TMEM102: variants seen among roughly 807,000 people sequenced by gnomAD.
The protein encoded by TMEM102 is DANGER family member 2B.
In TMEM102, 28 loss-of-function variants were observed where a neutral mutation model predicts 26.8. The ratio of observed to expected loss-of-function variants is 1.05; its 90% CI spans 0.77 to 1.43. The LOEUF is 1.43. Among genes scored for constraint, TMEM102 ranks in the 40% most tolerant of loss-of-function variants. TMEM102 has a pLI of 0.00. For missense variants in TMEM102, 677 were observed against 705.6 expected (o/e 0.96, Z 0.46); for synonymous variants, 306 against 332.1 (o/e 0.92, Z 0.86).
In TMEM102 at chr17:7,437,413, G is replaced by A; in HGVS notation, c.1434G>A (p.Gly478=). The change falls in exon 3 of 3, where the codon GGG becomes GGA. Residue 478 remains glycine (G), a synonymous_variant. Transcript: ENST00000323206. The surrounding 1 kb of genome is among the most constrained non-coding windows in gnomAD (Gnocchi z 4.2). The part of the protein sequence containing the change: ...ALLGELARLR[G]DPARALRAAV... ...TCGGAGAATTGGCCCGGCTCCGCGGGGACCCGGCCCGGGCCCTCCGTGCCG... is the reference window on the plus strand; with the variant it reads ...TCGGAGAATTGGCCCGGCTCCGCGGAGACCCGGCCCGGGCCCTCCGTGCCG... The A allele has an allele frequency of 6.6e-7, 1 of 1,514,004 alleles. No individual in the cohort carries two copies. Among genetic ancestry groups the A allele is most frequent in the East Asian group, 2.7e-5 (1 of 36,900 alleles). The allele number at this position is 1,514,004 out of a possible 1,614,324, so 93.8% of individuals were successfully genotyped here.
Position 7,437,285 on chromosome 17 carries a change from G to A in TMEM102, c.1306G>A (p.Gly436Arg). Reference sequence around the variant, plus strand: ...AGAAAATGCGGGCGCCTGCTGCCTCGGGCTGCTAGACGAGCTCGGCCGAGT... The same window carrying A: ...AGAAAATGCGGGCGCCTGCTGCCTCAGGCTGCTAGACGAGCTCGGCCGAGT... ...RPENAGACCL[G>R]LLDELGRVLE... The change falls in exon 3 of 3, where the codon GGG (glycine) becomes AGG (arginine). Residue 436 changes from glycine to arginine, a missense_variant. Physicochemically the swap from Gly to Arg is moderately radical, Grantham distance 125. Coordinates refer to ENST00000323206, the MANE Select transcript of TMEM102 (RefSeq NM_178518.3). This position sits in a 1 kb window ranked among gnomAD's most constrained non-coding sequence, Gnocchi z 4.2. 9 of 1,545,570 alleles carry A rather than the reference G, an allele frequency of 5.8e-6. No individual in the cohort carries two copies. The highest frequency in any genetic ancestry group is 7.8e-6 in the Non-Finnish European group (9 of 1,151,902).
At chr17:7,435,760 T>C (rs1333181297) in intron 1 of TMEM102, 64 bp downstream of exon 1, 1 of 915,392 alleles carries the variant, frequency 1.1e-6, no homozygotes, top group Non-Finnish European at 1.7e-6. Context: ...CATTTGTAGG[T>C]TGTGTCTGGG....
Position 7,436,581 on chromosome 17 carries a change from A to C in TMEM102, c.602A>C (p.Glu201Ala). 2 of 1,614,002 alleles carry C rather than the reference A, an allele frequency of 1.2e-6. No homozygotes were observed. The highest frequency in any genetic ancestry group is 1.7e-6 in the Non-Finnish European group (2 of 1,179,974). Reference protein sequence around the residue: ...DQPHSYVTEHEAPVSLEKSPS... With the variant: ...DQPHSYVTEHAAPVSLEKSPS... ...CCGCACAGCTACGTCACTGAGCACGAGGCGCCGGTGTCTTTGGAAAAATCG... is the reference window on the plus strand; with the variant it reads ...CCGCACAGCTACGTCACTGAGCACGCGGCGCCGGTGTCTTTGGAAAAATCG... The change falls in exon 3 of 3, where the codon GAG becomes GCG. Residue 201 changes from glutamate (E) to alanine (A), a missense_variant. Glu to Ala is a moderately radical substitution (Grantham distance 107). Transcript: ENST00000323206.
In TMEM102 at chr17:7,436,557, C is replaced by T; in HGVS notation, c.578C>T (p.Pro193Leu). Reference sequence around the variant, plus strand: ...GACTGGCAAAGCTCTGTAGACCAGCCGCACAGCTACGTCACTGAGCACGAG... The same window carrying T: ...GACTGGCAAAGCTCTGTAGACCAGCTGCACAGCTACGTCACTGAGCACGAG... ...SKDWQSSVDQ[P>L]HSYVTEHEAP... Residue 193 changes from proline to leucine, a missense_variant, in exon 3 of 3, where the codon CCG (proline) becomes CTG (leucine). By Grantham distance (98) the Pro-to-Leu change is moderately conservative. Transcript: ENST00000323206. The T allele has an allele frequency of 6.2e-7, 1 of 1,614,030 alleles. No individual in the cohort carries two copies. Among genetic ancestry groups the T allele is most frequent in the Non-Finnish European group, 8.5e-7 (1 of 1,180,004 alleles).
At position 7,437,612 on chromosome 17, in the gene TMEM102, C is replaced by G. The variant is rs1567672694; in HGVS notation, c.*106C>G. 1 of 843,396 alleles carries G rather than the reference C, an allele frequency of 1.2e-6. No individual in the cohort carries two copies. The highest frequency in any genetic ancestry group is 3.3e-5 in the East Asian group (1 of 29,870). The allele number at this position is 843,396 out of a possible 1,614,324, so 52.2% of individuals were successfully genotyped here. A position where few individuals can be genotyped will look rare whatever the true frequency, so the allele number is the denominator to read the frequency against. On this transcript the variant is annotated 3_prime_UTR_variant, in exon 3 of 3. Transcript: ENST00000323206. This position sits in a 1 kb window ranked among gnomAD's most constrained non-coding sequence, Gnocchi z 4.2. ...CTGACTGTGTGCCCTGGGCCTGAAG[C>G]CCCCCTTCTGGAAGACCTCCCTGTT...
rs768664173 is a variant in TMEM102, at chr17:7,437,366, G to A, written c.1387G>A (p.Gly463Arg). The change falls in exon 3 of 3, where the codon GGG (glycine) becomes AGG (arginine). Residue 463 changes from glycine to arginine, a missense_variant. Gly to Arg is a moderately radical substitution (Grantham distance 125, BLOSUM62 -2). Coordinates refer to ENST00000323206, the MANE Select transcript of TMEM102 (RefSeq NM_178518.3). The surrounding 1 kb of genome is among the most constrained non-coding windows in gnomAD (Gnocchi z 4.2). ...TCTGAACGGCCGACAGCTCCGTACGGGGGACGACTCCGCTGCGCTGCTCGG... is the reference window on the plus strand; with the variant it reads ...TCTGAACGGCCGACAGCTCCGTACGAGGGACGACTCCGCTGCGCTGCTCGG... ...YFLNGRQLRT[G>R]DDSAALLGEL... The A allele has an allele frequency of 5.7e-6, 9 of 1,567,528 alleles. No individual in the cohort carries two copies. The highest frequency in any genetic ancestry group is 3.7e-5 in the Admixed American group (2 of 54,742).
chr17:7,437,241 C>G lies in TMEM102; in HGVS notation c.1262C>G (p.Ala421Gly). The G allele has an allele frequency of 6.6e-7, 1 of 1,521,630 alleles. No homozygotes were observed. Among genetic ancestry groups the G allele is most frequent in the Non-Finnish European group, 8.8e-7 (1 of 1,137,902 alleles). 94.3% of individuals were successfully genotyped at this position (1,521,630 alleles called of 1,614,324 possible). ...TACTGGGCGTGCGAGCGGCTGCCTGCGCTCTACCTGGCGCGGCCAGAAAAT... is the reference window on the plus strand; with the variant it reads ...TACTGGGCGTGCGAGCGGCTGCCTGGGCTCTACCTGGCGCGGCCAGAAAAT... ...LLYWACERLP[A>G]LYLARPENAG... Residue 421 changes from alanine to glycine, a missense_variant, in exon 3 of 3, where the codon GCG becomes GGG. Transcript: ENST00000323206. The surrounding 1 kb of genome is among the most constrained non-coding windows in gnomAD (Gnocchi z 4.2).
In TMEM102 at chr17:7,437,168, G is replaced by C; in HGVS notation, c.1189G>C (p.Val397Leu). 6.7e-7 allele frequency: 1 copy of C among 1,483,354 alleles called. No individual in the cohort carries two copies. Among genetic ancestry groups the C allele is most frequent in the South Asian group, 1.3e-5 (1 of 76,834 alleles). 91.9% of individuals were successfully genotyped at this position (1,483,354 alleles called of 1,614,324 possible). The part of the protein sequence containing the change: ...AAAQALLRPL[V>L]AGTRAAAPYL... ...GGCCCAGGCGCTACTGCGCCCGCTG[G>C]TGGCCGGGACCCGGGCGGCGGCGCC... The change falls in exon 3 of 3, where the codon GTG becomes CTG. Residue 397 changes from valine (V) to leucine (L), a missense_variant. Coordinates refer to ENST00000323206, the MANE Select transcript of TMEM102 (RefSeq NM_178518.3). The surrounding 1 kb of genome is among the most constrained non-coding windows in gnomAD (Gnocchi z 4.2).
rs758171248 is a variant in TMEM102, at chr17:7,437,418, C to G, written c.1439C>G (p.Pro480Arg). ...GAATTGGCCCGGCTCCGCGGGGACC[C>G]GGCCCGGGCCCTCCGTGCCGCGGTG... Reference protein sequence around the residue: ...LGELARLRGDPARALRAAVEE... With the variant: ...LGELARLRGDRARALRAAVEE... Residue 480 changes from proline to arginine, a missense_variant, in exon 3 of 3, where the codon CCG becomes CGG. Transcript: ENST00000323206. This position sits in a 1 kb window ranked among gnomAD's most constrained non-coding sequence, Gnocchi z 4.2. The G allele has an allele frequency of 4.0e-6, 6 of 1,497,982 alleles. No individual in the cohort carries two copies. The highest frequency in any genetic ancestry group is 5.3e-6 in the Non-Finnish European group (6 of 1,122,136). 92.8% of individuals were successfully genotyped at this position (1,497,982 alleles called of 1,614,324 possible).
chr17:7,436,955 G>A lies in TMEM102; in HGVS notation c.976G>A (p.Gly326Ser), dbSNP rs1297917226. 6.2e-7 allele frequency: 1 copy of A among 1,603,260 alleles called. No individual in the cohort carries two copies. The highest frequency in any genetic ancestry group is 1.1e-5 in the South Asian group (1 of 90,952). The change falls in exon 3 of 3, where the codon GGC (glycine) becomes AGC (serine). Residue 326 changes from glycine (G) to serine (S), a missense_variant. Coordinates refer to ENST00000323206, the MANE Select transcript of TMEM102 (RefSeq NM_178518.3). ...CCTGATCCCAGTGGTGTCCGTGGCG[G>A]GCTGGCCCGAGGGGGCTCGGAGCCA... ...FDLIPVVSVA[G>S]WPEGARSHSW...
Position 7,437,044 on chromosome 17 carries a change from C to T in TMEM102, c.1065C>T (p.Thr355=), listed in dbSNP as rs1007499275. The stretch of plus-strand genomic sequence containing the variant: ...TCTACCTGGTGCCCGGTGGCGGCAC[C>T]GAGCGGCCGTGCGCCTCCGCCTGGC... The part of the protein sequence containing the change: ...ASFYLVPGGG[T]ERPCASAWQL... Residue 355 remains threonine, a synonymous_variant, in exon 3 of 3, where the codon ACC becomes ACT. Coordinates refer to ENST00000323206, the MANE Select transcript of TMEM102 (RefSeq NM_178518.3). The surrounding 1 kb of genome is among the most constrained non-coding windows in gnomAD (Gnocchi z 4.2). 2 of 1,576,492 alleles carry T rather than the reference C, an allele frequency of 1.3e-6. No individual in the cohort carries two copies. Among genetic ancestry groups the T allele is most frequent in the African/African-American group, 1.3e-5 (1 of 74,544 alleles).
Position 7,437,554 on chromosome 17 carries a change from G to T in TMEM102, c.*48G>T, listed in dbSNP as rs1908108360. The T allele has an allele frequency of 7.2e-6, 9 of 1,252,782 alleles. No homozygotes were observed. The highest frequency in any genetic ancestry group is 2.4e-4 in the Middle Eastern group (1 of 4,174). 77.6% of individuals were successfully genotyped at this position (1,252,782 alleles called of 1,614,324 possible). A position where few individuals can be genotyped will look rare whatever the true frequency, so the allele number is the denominator to read the frequency against. On this transcript the variant is annotated 3_prime_UTR_variant, in exon 3 of 3. Transcript: ENST00000323206. This position sits in a 1 kb window ranked among gnomAD's most constrained non-coding sequence, Gnocchi z 4.2. ...AAGTGCCTCTGTGGGCGAGCGGGAC[G>T]TGGGGGGCCCTGCTCGCCCCTCGCC...
Position 7,437,063 on chromosome 17 carries a change from G to T in TMEM102, c.1084G>T (p.Ala362Ser), listed in dbSNP as rs775603841. The change falls in exon 3 of 3, where the codon GCC becomes TCC. Residue 362 changes from alanine to serine, a missense_variant. Coordinates refer to ENST00000323206, the MANE Select transcript of TMEM102 (RefSeq NM_178518.3). The surrounding 1 kb of genome is among the most constrained non-coding windows in gnomAD (Gnocchi z 4.2). ...GGGTERPCAS[A>S]WQLCFARQEL... ...CGGCACCGAGCGGCCGTGCGCCTCC[G>T]CCTGGCAGCTCTGTTTTGCCCGCCA... is the stretch of plus-strand genomic sequence containing the variant. 45 of 1,553,304 alleles carry T rather than the reference G, an allele frequency of 2.9e-5. No homozygotes were observed. Among genetic ancestry groups the T allele is most frequent in the East Asian group, 4.7e-5 (2 of 42,462 alleles).
Position 7,437,390 on chromosome 17 carries a change from G to T in TMEM102, c.1411G>T (p.Gly471Ter). ...GGGGGACGACTCCGCTGCGCTGCTC[G>T]GAGAATTGGCCCGGCTCCGCGGGGA... ...RTGDDSAALL[G>*]ELARLRGDPA... Residue 471 changes from glycine (G) to a stop codon, truncating the protein, a stop_gained, in exon 3 of 3, where the codon GGA (glycine) becomes TGA (stop). Coordinates refer to ENST00000323206, the MANE Select transcript of TMEM102 (RefSeq NM_178518.3). LOFTEE classifies it high-confidence loss of function. The surrounding 1 kb of genome is among the most constrained non-coding windows in gnomAD (Gnocchi z 4.2). 6.4e-7 allele frequency: 1 copy of T among 1,550,678 alleles called. No individual in the cohort carries two copies. The highest frequency in any genetic ancestry group is 1.4e-5 in the African/African-American group (1 of 70,824).
chr17:7,435,544 A>T lies in TMEM102; in HGVS notation c.-172A>T. ...GCAGACTAATAAGCCTCTTCCAAAAAAGAGGTAAAGGGAGGTAGACAAGGG... is the reference window on the plus strand; with the variant it reads ...GCAGACTAATAAGCCTCTTCCAAAATAGAGGTAAAGGGAGGTAGACAAGGG... On this transcript the variant is annotated 5_prime_UTR_variant, in exon 1 of 3. Coordinates refer to ENST00000323206, the MANE Select transcript of TMEM102 (RefSeq NM_178518.3). 1 of 288,560 alleles carries T rather than the reference A, an allele frequency of 3.5e-6. No homozygotes were observed. Among genetic ancestry groups the T allele is most frequent in the Non-Finnish European group, 6.5e-6 (1 of 153,476 alleles). 17.9% of individuals were successfully genotyped at this position (288,560 alleles called of 1,614,324 possible).
chr17:7,436,996 G>A lies in TMEM102; in HGVS notation c.1017G>A (p.Pro339=). Residue 339 remains proline, a synonymous_variant, in exon 3 of 3, where the codon CCG becomes CCA. Transcript: ENST00000323206. ...EGARSHSWAG[P]LASESASFYL... is the part of the protein sequence containing the mutation. ...CTCGGAGCCACTCGTGGGCCGGTCC[G>A]CTGGCCTCTGAGTCGGCTTCCTTCT... 1 of 1,598,656 alleles carries A rather than the reference G, an allele frequency of 6.3e-7. No homozygotes were observed. The highest frequency in any genetic ancestry group is 8.5e-7 in the Non-Finnish European group (1 of 1,178,414).
chr17:7,437,502 A>G lies in TMEM102; in HGVS notation c.1523A>G (p.His508Arg). The G allele has an allele frequency of 7.2e-6, 10 of 1,382,516 alleles. No individual in the cohort carries two copies. The highest frequency in any genetic ancestry group is 9.3e-6 in the Non-Finnish European group (10 of 1,071,068). 85.6% of individuals were successfully genotyped at this position (1,382,516 alleles called of 1,614,324 possible). A position where few individuals can be genotyped will look rare whatever the true frequency, so the allele number is the denominator to read the frequency against. ...GGLAGVGGGA[H>R] ...TTGGCGGGCGTGGGGGGCGGGGCCC[A>G]TTAAAGACGCTGTTCCTACCAGTGG... Residue 508 changes from histidine to arginine, a missense_variant, in exon 3 of 3, where the codon CAT becomes CGT. Coordinates refer to ENST00000323206, the MANE Select transcript of TMEM102 (RefSeq NM_178518.3). This position sits in a 1 kb window ranked among gnomAD's most constrained non-coding sequence, Gnocchi z 4.2.
In TMEM102 at chr17:7,435,941, A is replaced by G; in HGVS notation, c.70A>G (p.Thr24Ala). The G allele has an allele frequency of 1.2e-6, 2 of 1,612,406 alleles. No homozygotes were observed. Among genetic ancestry groups the G allele is most frequent in the Non-Finnish European group, 1.7e-6 (2 of 1,179,724 alleles). ...GCCCCCGGCCCCAGCTCGGCCGCTCACGGACATCGACTTCTGCTCCGGGGC... is the reference window on the plus strand; with the variant it reads ...GCCCCCGGCCCCAGCTCGGCCGCTCGCGGACATCGACTTCTGCTCCGGGGC... ...PPPPAPARPL[T>A]DIDFCSGAQL... The change falls in exon 2 of 3, where the codon ACG becomes GCG. Residue 24 changes from threonine to alanine, a missense_variant. Transcript: ENST00000323206.
chr17:7,437,235 T>C lies in TMEM102; in HGVS notation c.1256T>C (p.Leu419Pro). 1 of 1,519,432 alleles carries C rather than the reference T, an allele frequency of 6.6e-7. No individual in the cohort carries two copies. The highest frequency in any genetic ancestry group is 8.8e-7 in the Non-Finnish European group (1 of 1,136,482). 94.1% of individuals were successfully genotyped at this position (1,519,432 alleles called of 1,614,324 possible). Residue 419 changes from leucine (L) to proline (P), a missense_variant, in exon 3 of 3, where the codon CTG becomes CCG. Physicochemically the swap from Leu to Pro is moderately conservative, Grantham distance 98 (BLOSUM62 -3). Transcript: ENST00000323206. The surrounding 1 kb of genome is among the most constrained non-coding windows in gnomAD (Gnocchi z 4.2). ...CTGCTGTACTGGGCGTGCGAGCGGC[T>C]GCCTGCGCTCTACCTGGCGCGGCCA... ...RTLLYWACER[L>P]PALYLARPEN...
Sources: allele counts gnomAD v4.1 joint callset, GRCh38; gene constraint gnomAD v4.1.1; non-coding constraint Gnocchi (gnomAD v3.1); transcripts MANE v1.5; gene names NCBI Gene and HGNC (gene_info 2026-07-23, HGNC 2026-07-21).